The following PRKAR1B variants were observed in gnomAD, a reference collection of about 807,000 sequenced individuals.
The protein encoded by PRKAR1B is cAMP-dependent protein kinase type I-beta regulatory subunit.
A neutral mutation model predicts 46.5 loss-of-function variants in PRKAR1B; 22 were observed. That is an observed-to-expected ratio of 0.47 (90% CI 0.34 to 0.68). The LOEUF (loss-of-function observed/expected upper bound fraction) is 0.68, where lower values mean the gene tolerates loss of function less well. PRKAR1B is among the 30% of genes least tolerant of loss of function. PRKAR1B has a pLI of 0.01. For synonymous variants in PRKAR1B, 259 were observed against 217.7 expected, an observed-to-expected ratio of 1.19 and a Z score of -1.67; for missense variants, 445 against 535.6, an observed-to-expected ratio of 0.83 and a Z score of 1.67.
intron 4 of PRKAR1B, among the ~76,000 whole-genome samples, chr7:660,862 C>G (rs1785498837): frequency 7.6e-6 from 1 of 131,828 alleles, no homozygotes; most frequent in African/African-American, 3.0e-5. Flanking sequence ...ACCTACTCTG[C>G]CCCCCATGGC....
intron 9 of PRKAR1B, chr7:578,990 G>A: frequency 7.7e-7 from 1 of 1,306,402 alleles, no homozygotes; most frequent in Non-Finnish European, 9.8e-7. Context: ...CCAGTTTCAT[G>A]CAGTTTTATC....
chr7:599,165 C>T (rs992733886), intron 6 of PRKAR1B, among the ~76,000 whole-genome samples: 4 of 152,234 alleles, frequency 2.6e-5, no homozygotes, highest in East Asian at 1.9e-4. Flanking sequence ...ACACTGTGCT[C>T]GGCCGCCCGG....
chr7:591,298 C>T (rs957243242), intron 7 of PRKAR1B, among the ~76,000 whole-genome samples: 2 of 152,224 alleles, frequency 1.3e-5, no homozygotes, highest in Non-Finnish European at 2.9e-5. Flanking sequence ...GGGACCCCCA[C>T]GTGGGGGCTC....
At position 644,959 on chromosome 7, in the gene PRKAR1B, C is replaced by T. The variant is rs1477876404; in HGVS notation, c.440+32270G>A. ...TGAAAAGGTGACCCAAGACAAGCCT[C>T]TTCTCCGCAATGAGCCGTCTCTTCA... On this transcript the variant is annotated intron_variant, in intron 4 of 10. Transcript: ENST00000537384. The surrounding 1 kb of genome is among the most constrained non-coding windows in gnomAD (Gnocchi z 4.9). Among the ~76,000 whole-genome samples the T allele has an allele frequency of 9.2e-5, 14 of 152,336 alleles. No homozygotes were observed. In the East Asian group the frequency reaches 2.7e-3, roughly 29 times the overall value.
chr7:595,574 A>G (rs1781227002), intron 7 of PRKAR1B, among the ~76,000 whole-genome samples: 1 of 152,142 alleles, frequency 6.6e-6, no homozygotes, highest in Non-Finnish European at 1.5e-5. Flanking sequence ...GCTCACCTCC[A>G]GGAGCCCCTA....
chr7:701,321 GAA>G (rs1167432314), intron 2 of PRKAR1B, among the ~76,000 whole-genome samples: 4 of 150,502 alleles, frequency 2.7e-5, no homozygotes, highest in African/African-American at 9.8e-5. Context: ...AGAAAGAAAA[GAA>G]AGAGAAGAAA....
chr7:555,395 G>C (rs559155756), intron 9 of PRKAR1B, among the ~76,000 whole-genome samples: 1 of 152,348 alleles, frequency 6.6e-6, no homozygotes, highest in East Asian at 1.9e-4. Flanking sequence ...CCGGTTCTAA[G>C]TGGTGGCATC....
intron 2 of PRKAR1B, chr7:697,166 G>A (rs1478240044): frequency 6.6e-6 from 1 of 151,312 alleles, no homozygotes; most frequent in Non-Finnish European, 1.5e-5. Context: ...GAGGAACCCG[G>A]CCCTGGGGAT....
intron 6 of PRKAR1B, among the ~76,000 whole-genome samples, chr7:597,722 C>G (rs1423805942): frequency 1.3e-5 from 2 of 152,350 alleles, no homozygotes; most frequent in East Asian, 1.9e-4. Flanking sequence ...GGCGATGAAG[C>G]CGGGGGAAGG....
chr7:624,750 C>A (rs1783293298), intron 4 of PRKAR1B, among the ~76,000 whole-genome samples: 1 of 152,128 alleles, frequency 6.6e-6, no homozygotes, highest in African/African-American at 2.4e-5. Context: ...GAGAAACAGA[C>A]AAATGCACCA....
chr7:650,345 C>A (rs910566642), intron 4 of PRKAR1B, among the ~76,000 whole-genome samples: 1 of 152,192 alleles, frequency 6.6e-6, no homozygotes, highest in East Asian at 1.9e-4. Flanking sequence ...AACCACAGCC[C>A]CCAGAGCCAC....
At chr7:631,397 C>T (rs1783730657) in intron 4 of PRKAR1B, among the ~76,000 whole-genome samples, 1 of 152,186 alleles carries the variant, frequency 6.6e-6, no homozygotes. Flanking sequence ...GGGTGGTCGC[C>T]GGCCCAAAGC....
At chr7:679,168 GCAGTTCCCTGATGTTA>G (rs1162835273) in intron 3 of PRKAR1B, among the ~76,000 whole-genome samples, 2 of 152,196 alleles carry the variant, frequency 1.3e-5, no homozygotes, top group Non-Finnish European at 2.9e-5. Flanking sequence ...CGTGCACCTT[GCAGTTCCCTGATGTTA>G]CTACCTTACA....
intron 9 of PRKAR1B, chr7:579,015 G>C: frequency 2.0e-6 from 2 of 985,190 alleles, no homozygotes; most frequent in Non-Finnish European, 2.4e-6. Context: ...GTGCAGCTCA[G>C]GCACCAGCCA....
At chr7:576,859 G>A (rs1035666786) in intron 9 of PRKAR1B, among the ~76,000 whole-genome samples, 7 of 152,134 alleles carry the variant, frequency 4.6e-5, no homozygotes, top group Non-Finnish European at 7.4e-5. Flanking sequence ...GCAGGGGCCC[G>A]AGCCTGGGTC....
intron 4 of PRKAR1B, among the ~76,000 whole-genome samples, chr7:641,168 G>A (rs1583343647): frequency 6.6e-6 from 1 of 152,086 alleles, no homozygotes; most frequent in Admixed American, 6.6e-5. Flanking sequence ...TGGCCAGGAT[G>A]GTCTCCATCT....
intron 2 of PRKAR1B, among the ~76,000 whole-genome samples, chr7:681,041 G>A (rs1438069027): frequency 6.6e-6 from 1 of 152,038 alleles, no homozygotes; most frequent in Non-Finnish European, 1.5e-5. Context: ...CTGAATCATG[G>A]GGCAGTTTCC....
intron 4 of PRKAR1B, among the ~76,000 whole-genome samples, chr7:653,688 T>C (rs1235856685): frequency 6.6e-6 from 1 of 152,076 alleles, no homozygotes; most frequent in Non-Finnish European, 1.5e-5. Flanking sequence ...TGGTGCTACA[T>C]AGCTGGGGAG....
chr7:568,822 T>A (rs1779325169), intron 9 of PRKAR1B, among the ~76,000 whole-genome samples: 1 of 152,196 alleles, frequency 6.6e-6, no homozygotes, highest in South Asian at 2.1e-4. Context: ...TCCGGGACCT[T>A]GGAACCAGCC....
Sources: gnomAD v4.1 joint callset for allele counts (sites outside exome capture counted in the v4.1 genomes callset) on GRCh38, gnomAD v4.1.1 for gene constraint, Gnocchi (gnomAD v3.1) non-coding constraint, MANE v1.5 for transcripts, NCBI Gene and HGNC (gene_info 2026-07-23, HGNC 2026-07-21) for gene names.